IQCK: variants seen among roughly 807,000 people sequenced by gnomAD.
IQCK encodes IQ domain-containing protein K.
In IQCK, 29 loss-of-function variants were observed where a neutral mutation model predicts 28.1. That is an observed-to-expected ratio of 1.03 (90% CI 0.77 to 1.41). The LOEUF is 1.41. IQCK is among the 40% of genes most tolerant of loss of function. The probability of loss-of-function intolerance (pLI) is 0.00; values close to 1 mark genes in which losing one functional copy is unlikely to be tolerated. For missense variants in IQCK, 359 were observed against 314.7 expected (o/e 1.14, Z -1.07); for synonymous variants, 113 against 115.1 (o/e 0.98, Z 0.12).
At chr16:19,828,704 C>T (rs1309851910), downstream of IQCK, among the ~76,000 whole-genome samples, 2 of 149,692 alleles carry the variant, frequency 1.3e-5, no homozygotes, top group Non-Finnish European at 3.0e-5. Context: ...TGGTGAAACC[C>T]TGTCTCTACT....
chr16:19,771,309 C>G (rs889306781), intron 6 of IQCK, among the ~76,000 whole-genome samples: 6 of 152,162 alleles, frequency 3.9e-5, no homozygotes, highest in Admixed American at 2.6e-4. Context: ...CCAGGTGGGT[C>G]TCAAACTCCT....
At position 19,775,866 on chromosome 16, in the gene IQCK, C is replaced by CTTTTT. The variant is rs570530152; in HGVS notation, c.605+11783_605+11787dup. On this transcript the variant is annotated intron_variant, in intron 6 of 7. Transcript: ENST00000564186. ...CTAGCTGTTCTGTTCTGGGCACAGGCTTTTTTTTTTTTTTTTTTTTTTTTT... is the reference window on the plus strand; with the variant it reads ...CTAGCTGTTCTGTTCTGGGCACAGGCTTTTTTTTTTTTTTTTTTTTTTTTTTTTTT... 4.7e-3 allele frequency among the ~76,000 whole-genome samples: 177 copies of CTTTTT among 37,736 alleles called. 33 individuals carry two copies. Among genetic ancestry groups the CTTTTT allele is most frequent in the East Asian group, 0.014 (13 of 944 alleles). The allele number at this position is 37,736 out of a possible 152,430, so 24.8% of individuals were successfully genotyped here.
intron 1 of IQCK, among the ~76,000 whole-genome samples, chr16:19,727,606 AG>A (rs1977701341): frequency 7.0e-6 from 1 of 142,400 alleles, no homozygotes; most frequent in Non-Finnish European, 1.6e-5. Flanking sequence ...CCAAAAAAAA[AG>A]ATTTGGTTGG....
intron 2 of IQCK, among the ~76,000 whole-genome samples, chr16:19,733,221 G>T (rs1411050242): frequency 2.6e-5 from 4 of 151,538 alleles, no homozygotes; most frequent in African/African-American, 9.7e-5. Context: ...CACTGTAGCC[G>T]CCACCTCCTG....
intron 4 of IQCK, among the ~76,000 whole-genome samples, chr16:19,742,306 C>G (rs1347358881): frequency 6.6e-6 from 1 of 152,176 alleles, no homozygotes; most frequent in Non-Finnish European, 1.5e-5. Flanking sequence ...TATTAACTTT[C>G]TTCATTTCCT....
chr16:19,828,273 G>A (rs1388688827), downstream of IQCK, among the ~76,000 whole-genome samples: 5 of 124,832 alleles, frequency 4.0e-5, no homozygotes, highest in East Asian at 2.3e-4. Flanking sequence ...TCGCTCTGTC[G>A]CTTAGGCTGG....
chr16:19,763,324 T>C (rs904329316), intron 4 of IQCK, among the ~76,000 whole-genome samples: 3 of 152,168 alleles, frequency 2.0e-5, no homozygotes, highest in Non-Finnish European at 4.4e-5. Flanking sequence ...AAGGTCTTCC[T>C]CCTCATCTTC....
intron 9 of IQCK, among the ~76,000 whole-genome samples, chr16:19,835,223 C>T (rs1349008813): frequency 6.6e-6 from 1 of 151,656 alleles, no homozygotes; most frequent in African/African-American, 2.4e-5. Flanking sequence ...GTGGAGGTTG[C>T]AGTGAGCCGA....
chr16:19,827,969 G>A (rs1318011282), downstream of IQCK, among the ~76,000 whole-genome samples: 5 of 151,958 alleles, frequency 3.3e-5, no homozygotes, highest in Non-Finnish European at 5.9e-5. Flanking sequence ...CTGGAGTGCA[G>A]CGGTGTGACC....
intron 6 of IQCK, among the ~76,000 whole-genome samples, chr16:19,769,678 A>T (rs772245921): frequency 6.6e-6 from 1 of 152,240 alleles, no homozygotes; most frequent in Non-Finnish European, 1.5e-5. Context: ...GCATTATTCC[A>T]TAAGCAAGAG....
At chr16:19,763,887 G>A (rs759062383) in exon 5 of IQCK, 2 of 1,613,832 alleles carry the variant, frequency 1.2e-6, no homozygotes, top group Admixed American at 1.7e-5. Context: ...TTTTCTGACT[G>A]AGTGGTTATA....
intron 4 of IQCK, among the ~76,000 whole-genome samples, chr16:19,755,086 C>T (rs1332686543): frequency 6.6e-6 from 1 of 152,130 alleles, no homozygotes; most frequent in East Asian, 1.9e-4. Flanking sequence ...TGGTTATAGG[C>T]CAAGTGTATG....
intron 7 of IQCK, among the ~76,000 whole-genome samples, chr16:19,814,386 C>T (rs565264922): frequency 6.6e-6 from 1 of 151,842 alleles, no homozygotes; most frequent in African/African-American, 2.4e-5. Context: ...GCCTGGGTGA[C>T]GAGAAACTCC....
At chr16:19,783,004 T>TA in intron 6 of IQCK, among the ~76,000 whole-genome samples, 1 of 150,748 alleles carries the variant, frequency 6.6e-6, no homozygotes. Flanking sequence ...TTTTTGTGTG[T>TA]GTGTGTGTGT....
At chr16:19,821,736 T>TA (rs2056074567) in intron 7 of IQCK, among the ~76,000 whole-genome samples, 1 of 151,980 alleles carries the variant, frequency 6.6e-6, no homozygotes, top group Non-Finnish European at 1.5e-5. Context: ...CAAATGTTCA[T>TA]AGCAACCCTG....
intron 9 of IQCK, among the ~76,000 whole-genome samples, chr16:19,851,663 C>G (rs376709919): frequency 1.3e-5 from 2 of 152,204 alleles, no homozygotes; most frequent in Non-Finnish European, 2.9e-5. Flanking sequence ...GTATCTCTCT[C>G]TGGGATTTTC....
chr16:19,835,607 C>G (rs1433512172), intron 9 of IQCK, among the ~76,000 whole-genome samples: 1 of 139,948 alleles, frequency 7.1e-6, no homozygotes, highest in Non-Finnish European at 1.5e-5. Context: ...TTTTTTGAGA[C>G]AGAGTCTTGC....
At chr16:19,841,336 A>T (rs548030004) in intron 9 of IQCK, among the ~76,000 whole-genome samples, 1 of 152,298 alleles carries the variant, frequency 6.6e-6, no homozygotes, top group East Asian at 1.9e-4. Flanking sequence ...TGCCACGTGC[A>T]TTGGAATTGC....
chr16:19,780,721 T>G (rs1365949138), intron 6 of IQCK, among the ~76,000 whole-genome samples: 4 of 152,350 alleles, frequency 2.6e-5, no homozygotes, highest in African/African-American at 9.6e-5. Context: ...CAATCACAGA[T>G]ATTCTCCTGT....
Sources: gnomAD v4.1 joint callset for allele counts (sites outside exome capture counted in the v4.1 genomes callset) on GRCh38, gnomAD v4.1.1 for gene constraint, MANE v1.5 for transcripts, NCBI Gene and HGNC (gene_info 2026-07-23, HGNC 2026-07-21) for gene names.